Variants in PARD3 observed in about 807,000 individuals in gnomAD.
PARD3 encodes par-3 family cell polarity regulator.
Under a neutral mutation model 155.4 loss-of-function variants are expected in PARD3, and 75 were observed. The observed-to-expected ratio is 0.48, with a 90% CI of 0.40 to 0.58. PARD3 has a LOEUF of 0.58. Among genes scored for constraint, PARD3 ranks in the 20% least tolerant of loss-of-function variants. The pLI is 0.00. For missense variants in PARD3, 1,642 were observed against 1,721.7 expected (o/e 0.95, Z 0.82); for synonymous variants, 576 against 610.5 (o/e 0.94, Z 0.83).
At chr10:34,666,382 T>C (rs2093471630) in intron 2 of PARD3, among the ~76,000 whole-genome samples, 1 of 152,146 alleles carries the variant, frequency 6.6e-6, no homozygotes, top group Non-Finnish European at 1.5e-5. Flanking sequence ...TTCTTCATGA[T>C]ACAGAATAAA....
At chr10:34,401,131 C>G (rs1224925922) in intron 6 of PARD3, among the ~76,000 whole-genome samples, 1 of 152,064 alleles carries the variant, frequency 6.6e-6, no homozygotes, top group Non-Finnish European at 1.5e-5. Flanking sequence ...CCAACTTTTG[C>G]CCAAAGTCAA....
At chr10:34,690,145 T>C (rs1190249931) in intron 2 of PARD3, among the ~76,000 whole-genome samples, 1 of 152,174 alleles carries the variant, frequency 6.6e-6, no homozygotes, top group African/African-American at 2.4e-5. Context: ...GATTTCGCCA[T>C]GCTGGCCAGG....
intron 2 of PARD3, among the ~76,000 whole-genome samples, chr10:34,669,044 A>G (rs1004953173): frequency 2.6e-5 from 4 of 152,274 alleles, no homozygotes; most frequent in African/African-American, 4.8e-5. Context: ...TATGAAAAAC[A>G]GCATGGAGAT....
At chr10:34,219,427 A>T (rs769765032) in intron 22 of PARD3, among the ~76,000 whole-genome samples, 2 of 152,226 alleles carry the variant, frequency 1.3e-5, no homozygotes, top group African/African-American at 2.4e-5. Flanking sequence ...AGATGCCATT[A>T]GCTCTTCCAC....
At chr10:34,582,924 A>T (rs934958516) in intron 2 of PARD3, among the ~76,000 whole-genome samples, 1 of 152,238 alleles carries the variant, frequency 6.6e-6, no homozygotes. Flanking sequence ...GCTGAAGCTC[A>T]GGCAGCTACC....
intron 9 of PARD3, among the ~76,000 whole-genome samples, chr10:34,380,178 A>T (rs1841683319): frequency 6.6e-6 from 1 of 152,164 alleles, no homozygotes; most frequent in Admixed American, 6.5e-5. Context: ...GATAATCAGC[A>T]TTCTTCCCCA....
At chr10:34,700,899 T>C (rs1170578207) in intron 1 of PARD3, among the ~76,000 whole-genome samples, 1 of 152,016 alleles carries the variant, frequency 6.6e-6, no homozygotes, top group Non-Finnish European at 1.5e-5. Context: ...CACTTGAACC[T>C]GGGAGGCGGA....
chr10:34,721,788 A>G (rs776034086), intron 1 of PARD3, among the ~76,000 whole-genome samples: 4 of 152,264 alleles, frequency 2.6e-5, no homozygotes, highest in Non-Finnish European at 5.9e-5. Context: ...AGTTATGTGA[A>G]AAATATATAT....
chr10:34,155,825 G>A (rs1374435219), intron 22 of PARD3, among the ~76,000 whole-genome samples: 1 of 152,020 alleles, frequency 6.6e-6, no homozygotes, highest in African/African-American at 2.4e-5. Context: ...TCTGAGAATT[G>A]AGCATCTATT....
intron 3 of PARD3, among the ~76,000 whole-genome samples, chr10:34,482,385 G>C (rs1308897493): frequency 6.6e-6 from 1 of 151,794 alleles, no homozygotes; most frequent in Non-Finnish European, 1.5e-5. Context: ...TACCAAGGCT[G>C]GTCTCAAACT....
At chr10:34,173,467 A>G (rs1447962180) in intron 22 of PARD3, among the ~76,000 whole-genome samples, 1 of 152,216 alleles carries the variant, frequency 6.6e-6, no homozygotes, top group Non-Finnish European at 1.5e-5. Flanking sequence ...ACTTATCCAC[A>G]GGCTTGATGT....
intron 2 of PARD3, among the ~76,000 whole-genome samples, chr10:34,581,926 T>C (rs1014439392): frequency 2.0e-5 from 3 of 152,230 alleles, no homozygotes; most frequent in East Asian, 1.9e-4. Flanking sequence ...AGTTGATTTA[T>C]TGGCTAACTA....
At chr10:34,509,643 T>C (rs534963997) in intron 3 of PARD3, among the ~76,000 whole-genome samples, 1 of 152,136 alleles carries the variant, frequency 6.6e-6, no homozygotes. Context: ...TTAAATAAAA[T>C]ATAATTTTAT....
rs1404985189 is a variant in PARD3 at position 34,605,965 on chromosome 10, C to CTA, written c.223-88808_223-88807dup. 1.2e-3 allele frequency among the ~76,000 whole-genome samples: 106 copies of CTA among 84,974 alleles called. 25 individuals carry two copies. The highest frequency in any genetic ancestry group is 6.7e-3 in the Admixed American group (47 of 7,050). 55.7% of individuals were successfully genotyped at this position (84,974 alleles called of 152,430 possible). On this transcript the variant is annotated intron_variant, in intron 2 of 24. Transcript: ENST00000374788. ...TATATCTCCTATATATATATATCTC[C>CTA]TATATCTATATCTCCTATATATATA...
At chr10:34,310,015 T>C (rs1002170349) in intron 20 of PARD3, among the ~76,000 whole-genome samples, 7 of 151,796 alleles carry the variant, frequency 4.6e-5, no homozygotes, top group Admixed American at 1.3e-4. Context: ...TTATTAAACA[T>C]AGGTCAGAAG....
intron 5 of PARD3, among the ~76,000 whole-genome samples, chr10:34,411,872 CAGG>C (rs1331110543): frequency 3.3e-5 from 5 of 151,408 alleles, no homozygotes; most frequent in East Asian, 1.9e-4. Context: ...GCAAGTTTAT[CAGG>C]AGTTTTTTTT....
At chr10:34,595,302 A>G (rs1174490522) in intron 2 of PARD3, among the ~76,000 whole-genome samples, 1 of 152,204 alleles carries the variant, frequency 6.6e-6, no homozygotes, top group Non-Finnish European at 1.5e-5. Context: ...CTGAAACTAC[A>G]ATAGAAATTT....
Position 34,536,408 on chromosome 10 carries a change from G to A in PARD3, c.223-19249C>T, listed in dbSNP as rs540146225. Among the ~76,000 whole-genome samples the A allele has an allele frequency of 5.9e-5, 9 of 152,298 alleles. No individual in the cohort carries two copies. The East Asian group carries it at 1.7e-3, about 29-fold the overall frequency. ...TATGAAAGAAGTAACAGTGCTAGCA[G>A]TACTGCTTTACAATACCAACATGTT... On this transcript the variant is annotated intron_variant, in intron 2 of 24. Transcript: ENST00000374788.
chr10:34,490,132 C>T (rs929168944), intron 3 of PARD3, among the ~76,000 whole-genome samples: 22 of 152,130 alleles, frequency 1.4e-4, no homozygotes, highest in African/African-American at 4.8e-4. Flanking sequence ...GCAGTAAATG[C>T]ACATTAGCTG....
Sources: allele counts gnomAD v4.1 joint callset (sites outside exome capture counted in the v4.1 genomes callset), GRCh38; gene constraint gnomAD v4.1.1; transcripts MANE v1.5; gene names NCBI Gene and HGNC (gene_info 2026-07-23, HGNC 2026-07-21).